The following KANSL2 variants were observed in gnomAD, a reference collection of about 807,000 sequenced individuals.
The protein encoded by KANSL2 is KAT8 regulatory NSL complex subunit 2.
A neutral mutation model predicts 55.6 loss-of-function variants in KANSL2; 34 were observed. The ratio of observed to expected loss-of-function variants is 0.61; its 90% CI spans 0.46 to 0.81. The LOEUF is 0.81. Among genes scored for constraint, KANSL2 ranks in the 40% least tolerant of loss-of-function variants. The pLI is 0.00. For synonymous variants in KANSL2, 209 were observed against 214.3 expected, an observed-to-expected ratio of 0.98 and a Z score of 0.22; for missense variants, 502 against 609.9, an observed-to-expected ratio of 0.82 and a Z score of 1.86.
In KANSL2 at chr12:48,656,267, T is replaced by G. The variant is rs576928975; in HGVS notation, c.1228-1207A>C. 1.0e-3 allele frequency among the ~76,000 whole-genome samples: 153 copies of G among 147,308 alleles called. 1 individual carries two copies. The East Asian group carries it at 0.027, about 26-fold the overall frequency. On this transcript the variant is annotated intron_variant, in intron 8 of 9. Coordinates refer to ENST00000420613, the MANE Select transcript of KANSL2 (RefSeq NM_017822.4). ...TCCCGACAGAGCAACAACCTGGTTTTTTTTGTTTTGTTTTTTTTTTTTTTG... is the reference window on the plus strand; with the variant it reads ...TCCCGACAGAGCAACAACCTGGTTTGTTTTGTTTTGTTTTTTTTTTTTTTG...
At chr12:48,680,979 C>A (rs10875859) in intron 2 of KANSL2, among the ~76,000 whole-genome samples, 44,508 of 151,068 alleles carry the variant, frequency 0.29, 7,590 homozygotes, top group East Asian at 0.76. Context: ...GCCGCCCCCC[C>A]GCCAAAAAAT....
intron 5 of KANSL2, 60 bp from the exon 6 acceptor site, chr12:48,669,332 A>G (rs1439743665): frequency 2.2e-6 from 3 of 1,342,436 alleles, no homozygotes; most frequent in Non-Finnish European, 3.0e-6. Context: ...TACGTCTCCA[A>G]GTCAACAAGT....
chr12:48,673,567 GAAAAAAA>G (rs111737433), intron 4 of KANSL2, among the ~76,000 whole-genome samples: 2 of 88,406 alleles, frequency 2.3e-5, no homozygotes, highest in East Asian at 7.2e-4. Flanking sequence ...CTCAAAAAAA[GAAAAAAA>G]AAAAAAAAGA....
intron 2 of KANSL2, 67 bp from the exon 3 acceptor site, chr12:48,679,900 C>T: frequency 2.4e-6 from 3 of 1,260,736 alleles, no homozygotes; most frequent in Non-Finnish European, 2.2e-6. Context: ...GTTCACAGTC[C>T]CTAATCTTTA....
chr12:48,675,253 G>A (rs1386406376), intron 4 of KANSL2, among the ~76,000 whole-genome samples: 2 of 151,246 alleles, frequency 1.3e-5, no homozygotes, highest in Admixed American at 6.6e-5. Context: ...AAAAAAGAAA[G>A]AAATTAGCCG....
chr12:48,677,784 CAAAAAA>C (rs56147873), intron 4 of KANSL2, among the ~76,000 whole-genome samples: 785 of 47,626 alleles, frequency 0.016, 5 homozygotes, highest in African/African-American at 0.067. Flanking sequence ...GACTCCATCT[CAAAAAA>C]AAAAAAAAAA....
chr12:48,665,800 C>T (rs1453499123), intron 7 of KANSL2, among the ~76,000 whole-genome samples: 6 of 152,062 alleles, frequency 3.9e-5, no homozygotes, highest in Non-Finnish European at 8.8e-5. Context: ...GGTTCAAAGG[C>T]AAATTAATTG....
chr12:48,671,061 C>A (rs1208210004), intron 5 of KANSL2, among the ~76,000 whole-genome samples: 3 of 152,004 alleles, frequency 2.0e-5, no homozygotes, highest in African/African-American at 7.3e-5. Flanking sequence ...GTCAGGAGTT[C>A]CGAGAGCAGC....
chr12:48,663,863 T>A (rs191249323), intron 7 of KANSL2, among the ~76,000 whole-genome samples: 82 of 151,658 alleles, frequency 5.4e-4, no homozygotes, highest in Non-Finnish European at 5.9e-5. Context: ...CATGAATTGT[T>A]CAAAGGCCAA....
chr12:48,659,939 A>G (rs980401398), intron 8 of KANSL2, among the ~76,000 whole-genome samples: 2 of 152,234 alleles, frequency 1.3e-5, no homozygotes, highest in Non-Finnish European at 2.9e-5. Context: ...TGTCCAGAAT[A>G]AGCAAAATCA....
intron 7 of KANSL2, chr12:48,662,629 G>A: frequency 7.8e-7 from 1 of 1,287,640 alleles, no homozygotes; most frequent in Non-Finnish European, 1.0e-6. Context: ...GAGTTAACAG[G>A]TCACCAATGG....
At chr12:48,681,209 C>A (rs1294923702) in intron 2 of KANSL2, 173 bp downstream of exon 2, 5 of 603,986 alleles carry the variant, frequency 8.3e-6, no homozygotes, top group Non-Finnish European at 1.1e-5. Context: ...ACTAAGTAAT[C>A]CAACTCAAGG....
intron 4 of KANSL2, among the ~76,000 whole-genome samples, chr12:48,673,726 T>C (rs142766130): frequency 6.6e-6 from 1 of 152,208 alleles, no homozygotes; most frequent in Non-Finnish European, 1.5e-5. Context: ...GGCAGGCAGA[T>C]TGCTTGAGCC....
At chr12:48,656,634 C>CATA in intron 8 of KANSL2, 1 of 402,364 alleles carries the variant, frequency 2.5e-6, no homozygotes, top group Non-Finnish European at 4.7e-6. Context: ...AAAAAAATGA[C>CATA]ATTACATTCT....
chr12:48,659,950 GAGACAAAAAGT>G (rs1169466943), intron 8 of KANSL2, among the ~76,000 whole-genome samples: 2 of 152,148 alleles, frequency 1.3e-5, no homozygotes, highest in East Asian at 3.8e-4. Flanking sequence ...AGCAAAATCA[GAGACAAAAAGT>G]AGATTCATCG....
chr12:48,680,222 C>CA (rs1265091571), intron 2 of KANSL2, among the ~76,000 whole-genome samples: 1 of 152,134 alleles, frequency 6.6e-6, no homozygotes, highest in South Asian at 2.1e-4. Context: ...CTGTGCCCAG[C>CA]AAATTTTTTT....
intron 4 of KANSL2, among the ~76,000 whole-genome samples, chr12:48,678,345 G>A (rs974360532): frequency 2.0e-5 from 3 of 152,090 alleles, no homozygotes; most frequent in South Asian, 4.1e-4. Flanking sequence ...AAGAGCAGAA[G>A]CTTACTAAGA....
intron 7 of KANSL2, chr12:48,662,705 G>A: frequency 8.1e-7 from 1 of 1,232,466 alleles, no homozygotes; most frequent in Non-Finnish European, 1.0e-6. Flanking sequence ...CTATGGAGTG[G>A]AAAGGAAAGA....
intron 2 of KANSL2, 171 bp from the exon 3 acceptor site, chr12:48,680,004 T>A (rs1046635243): frequency 5.0e-6 from 3 of 604,140 alleles, no homozygotes; most frequent in Non-Finnish European, 8.6e-6. Flanking sequence ...TCATTTGACT[T>A]TATTAAAGGG....
Sources: gnomAD v4.1 joint callset for allele counts (sites outside exome capture counted in the v4.1 genomes callset) on GRCh38, gnomAD v4.1.1 for gene constraint, MANE v1.5 for transcripts, NCBI Gene and HGNC (gene_info 2026-07-23, HGNC 2026-07-21) for gene names.